BCL9: variants seen among roughly 807,000 people sequenced by gnomAD.
BCL9 encodes B-cell CLL/lymphoma 9 protein.
In BCL9, 25 loss-of-function variants were observed where a neutral mutation model predicts 88.5. The ratio of observed to expected loss-of-function variants is 0.28; its 90% confidence interval spans 0.21 to 0.39. BCL9 has a LOEUF of 0.39. Ranked by LOEUF, BCL9 falls within the 10% of genes least tolerant of loss-of-function variation. The pLI is 1.00. For missense variants in BCL9, 1,817 were observed against 1,877.8 expected, an observed-to-expected ratio of 0.97 and a Z score of 0.60; for synonymous variants, 711 against 673.3, an observed-to-expected ratio of 1.06 and a Z score of -0.87.
rs782588829 is a variant in BCL9 at position 147,624,293 on chromosome 1, T to C, written c.3615T>C (p.Thr1205=). The change falls in exon 10 of 10, where the codon ACT becomes ACC. Residue 1205 remains threonine, a synonymous_variant. Coordinates refer to ENST00000234739, the MANE Select transcript of BCL9 (RefSeq NM_004326.4). This position sits in a 1 kb window ranked among gnomAD's most constrained non-coding sequence, Gnocchi z 4.4. ...PGGPGGPDSF[T]VLGNSMPSVF... ...GCCCCGGGGGTCCTGACTCCTTCAC[T>C]GTCCTGGGGAACAGCATGCCTTCGG... 6 of 1,614,122 alleles carry C rather than the reference T, an allele frequency of 3.7e-6. No individual in the cohort carries two copies. Among genetic ancestry groups the C allele is most frequent in the Non-Finnish European group, 4.2e-6 (5 of 1,179,992 alleles).
intron 1 of BCL9, among the ~76,000 whole-genome samples, chr1:147,576,619 G>T (rs1374039706): frequency 2.0e-5 from 3 of 152,146 alleles, no homozygotes; most frequent in Non-Finnish European, 4.4e-5. Flanking sequence ...GACAATAATG[G>T]TATCCAGTGT....
At chr1:147,611,351 C>T (rs1273511760) in intron 3 of BCL9, among the ~76,000 whole-genome samples, 2 of 152,152 alleles carry the variant, frequency 1.3e-5, no homozygotes, top group Admixed American at 6.5e-5. Flanking sequence ...ATGCTGCTTG[C>T]GGGGGAGGCT....
At chr1:147,589,428 C>A (rs1374955746) in intron 1 of BCL9, among the ~76,000 whole-genome samples, 1 of 152,160 alleles carries the variant, frequency 6.6e-6, no homozygotes, top group Non-Finnish European at 1.5e-5. Context: ...GTGCAACCAA[C>A]ACTAAAATCC....
chr1:147,575,257 C>T (rs1389632156), intron 1 of BCL9, among the ~76,000 whole-genome samples: 2 of 152,188 alleles, frequency 1.3e-5, no homozygotes, highest in Non-Finnish European at 2.9e-5. Context: ...GAGCATCACT[C>T]CTCTAGAAAG....
intron 5 of BCL9, 88 bp downstream of exon 5, chr1:147,613,287 A>G (rs776429955): frequency 1.5e-6 from 2 of 1,349,672 alleles, no homozygotes; most frequent in South Asian, 1.2e-5. Context: ...AGAGAGCCTA[A>G]TATCAGACAA....
chr1:147,570,644 T>TTC (rs1655843170), intron 1 of BCL9, among the ~76,000 whole-genome samples: 3 of 5,630 alleles, frequency 5.3e-4, no homozygotes, highest in African/African-American at 5.6e-4. Context: ...TTTTTCTTTT[T>TTC]TTTTTTTGTA....
At chr1:147,561,215 T>TC (rs1655361840) in intron 1 of BCL9, among the ~76,000 whole-genome samples, 1 of 152,220 alleles carries the variant, frequency 6.6e-6, no homozygotes, top group African/African-American at 2.4e-5. Flanking sequence ...CAAAAGAAAC[T>TC]GCTCAACTCA....
intron 1 of BCL9, among the ~76,000 whole-genome samples, chr1:147,545,923 T>A (rs1654551455): frequency 6.6e-6 from 1 of 152,042 alleles, no homozygotes; most frequent in Non-Finnish European, 1.5e-5. Context: ...AAATGAGGGG[T>A]GAAACTGCTA....
chr1:147,592,285 C>T (rs1553200001), intron 1 of BCL9, among the ~76,000 whole-genome samples: 1 of 152,194 alleles, frequency 6.6e-6, no homozygotes, highest in East Asian at 1.9e-4. Flanking sequence ...TTGTTTTCCT[C>T]ACCACTTCTT....
At chr1:147,602,833 C>T (rs1657471341) in intron 1 of BCL9, among the ~76,000 whole-genome samples, 1 of 152,138 alleles carries the variant, frequency 6.6e-6, no homozygotes, top group South Asian at 2.1e-4. Context: ...ACAGATGTTT[C>T]ACAAGCATTA....
chr1:147,598,112 T>C (rs587744376), intron 1 of BCL9, among the ~76,000 whole-genome samples: 1 of 152,350 alleles, frequency 6.6e-6, no homozygotes, highest in African/African-American at 2.4e-5. Flanking sequence ...CAAATGTTTC[T>C]TGCATATTGC....
chr1:147,542,924 G>A (rs1557814922), intron 1 of BCL9, among the ~76,000 whole-genome samples: 1 of 152,146 alleles, frequency 6.6e-6, no homozygotes, highest in Non-Finnish European at 1.5e-5. Flanking sequence ...TTTTATTGTG[G>A]CTTTTAGAGA....
At chr1:147,589,111 G>A (rs1024469240) in intron 1 of BCL9, among the ~76,000 whole-genome samples, 5 of 152,100 alleles carry the variant, frequency 3.3e-5, no homozygotes, top group Admixed American at 6.5e-5. Context: ...TGTCCCTAAT[G>A]GTAGTGACAC....
At chr1:147,583,428 A>G (rs1158555470) in intron 1 of BCL9, among the ~76,000 whole-genome samples, 3 of 151,350 alleles carry the variant, frequency 2.0e-5, no homozygotes, top group African/African-American at 7.3e-5. Flanking sequence ...TAAGCATGCA[A>G]CACCATGCCC....
chr1:147,602,175 A>G (rs1657426740), intron 1 of BCL9, among the ~76,000 whole-genome samples: 1 of 150,522 alleles, frequency 6.6e-6, no homozygotes, highest in African/African-American at 2.5e-5. Flanking sequence ...TGCTGAGATT[A>G]ACAGGTGTTA....
In BCL9 at chr1:147,625,974, C is replaced by T. The variant is rs996748331; in HGVS notation, c.*1015C>T. 4.3e-6 allele frequency: 1 copy of T among 232,088 alleles called. No individual in the cohort carries two copies. The highest frequency in any genetic ancestry group is 6.1e-5 in the East Asian group (1 of 16,410). The allele number at this position is 232,088 out of a possible 1,614,324, so 14.4% of individuals were successfully genotyped here. On this transcript the variant is annotated 3_prime_UTR_variant, in exon 10 of 10. Transcript: ENST00000234739. Reference sequence around the variant, plus strand: ...TCTTTCCCATCATACCCTTCCCTGCCCACCTTGTTTTCTGTTCTCCTTTTA... The same window carrying T: ...TCTTTCCCATCATACCCTTCCCTGCTCACCTTGTTTTCTGTTCTCCTTTTA...
At chr1:147,598,906 T>C (rs1471112446) in intron 1 of BCL9, among the ~76,000 whole-genome samples, 1 of 152,224 alleles carries the variant, frequency 6.6e-6, no homozygotes, top group Non-Finnish European at 1.5e-5. Context: ...AGCCCGAATC[T>C]GAGCTTTGAT....
intron 1 of BCL9, among the ~76,000 whole-genome samples, chr1:147,599,817 C>A (rs1401982388): frequency 4.0e-5 from 6 of 151,272 alleles, no homozygotes; most frequent in Admixed American, 3.9e-4. Context: ...GTGGGCAGGG[C>A]CCTGCGGGAA....
At chr1:147,623,091 G>C (rs782091959) in intron 9 of BCL9, among the ~76,000 whole-genome samples, 11 of 151,830 alleles carry the variant, frequency 7.2e-5, no homozygotes, top group Non-Finnish European at 1.6e-4. Context: ...AAAATGATCA[G>C]GATGGTGAAA....
Sources: gnomAD v4.1 joint callset for allele counts (sites outside exome capture counted in the v4.1 genomes callset) on GRCh38, gnomAD v4.1.1 for gene constraint, Gnocchi (gnomAD v3.1) non-coding constraint, MANE v1.5 for transcripts, NCBI Gene and HGNC (gene_info 2026-07-23, HGNC 2026-07-21) for gene names.